GCH1: variants seen among roughly 807,000 people sequenced by gnomAD.
The protein encoded by GCH1 is GTP cyclohydrolase 1, also known as GTP cyclohydrolase I.
GCH1 carries 5 observed loss-of-function variants against 25.9 expected under a neutral mutation model. The observed-to-expected ratio is 0.19, with a 90% CI of 0.10 to 0.41. GCH1 has a LOEUF of 0.41. Among genes scored for constraint, GCH1 ranks in the 10% least tolerant of loss-of-function variants. The probability of loss-of-function intolerance (pLI) is 1.00; values close to 1 mark genes in which losing one functional copy is unlikely to be tolerated. For synonymous variants in GCH1, 159 were observed against 129.6 expected (o/e 1.23, Z -1.54); for missense variants, 261 against 336.5 (o/e 0.78, Z 1.75).
chr14:54,865,178 G>A (rs1210605036), intron 2 of GCH1, 149 bp downstream of exon 2: 5 of 566,032 alleles, frequency 8.8e-6, no homozygotes, highest in African/African-American at 3.8e-5. Flanking sequence ...CAAGTTATTA[G>A]TCAGGTTAAT....
chr14:54,851,914 A>G (rs942903285), intron 3 of GCH1, among the ~76,000 whole-genome samples: 3 of 152,248 alleles, frequency 2.0e-5, no homozygotes, highest in African/African-American at 7.2e-5. Flanking sequence ...CTATAAAGAC[A>G]CATGCACACA....
chr14:54,849,801 T>A (rs2039697577), intron 3 of GCH1, among the ~76,000 whole-genome samples: 1 of 152,214 alleles, frequency 6.6e-6, no homozygotes, highest in African/African-American at 2.4e-5. Context: ...TTGCGCTGCA[T>A]TCAGCACAAT....
At position 54,880,479 on chromosome 14, in the gene GCH1, C is replaced by T. The variant is rs761855445; in HGVS notation, c.344-15043G>A. 5.4e-3 allele frequency among the ~76,000 whole-genome samples: 266 copies of T among 49,400 alleles called. 44 individuals carry two copies. The highest frequency in any genetic ancestry group is 0.028 in the African/African-American group (173 of 6,252). 32.4% of individuals were successfully genotyped at this position (49,400 alleles called of 152,430 possible). A position where few individuals can be genotyped will look rare whatever the true frequency, so the allele number is the denominator to read the frequency against. On this transcript the variant is annotated intron_variant, in intron 1 of 5. Coordinates refer to ENST00000491895, the MANE Select transcript of GCH1 (RefSeq NM_000161.3). Reference sequence around the variant, plus strand: ...AATATATACTCCATATATATATATACACTCCATATATATATATACTCCATA... The same window carrying T: ...AATATATACTCCATATATATATATATACTCCATATATATATATACTCCATA...
At chr14:54,844,564 C>A (rs1372155639) in intron 5 of GCH1, among the ~76,000 whole-genome samples, 1 of 152,200 alleles carries the variant, frequency 6.6e-6, no homozygotes, top group African/African-American at 2.4e-5. Context: ...ACTATGCTAG[C>A]CTAGGTGTTC....
intron 1 of GCH1, among the ~76,000 whole-genome samples, chr14:54,866,507 T>C (rs1594990362): frequency 6.6e-6 from 1 of 151,644 alleles, no homozygotes; most frequent in South Asian, 2.1e-4. Flanking sequence ...GCAGACTAGA[T>C]ATAATAAGAC....
rs1212479189 is a variant in GCH1 at position 54,848,692 on chromosome 14, C to A, written c.510-1562G>T. The stretch of plus-strand genomic sequence containing the variant: ...GCCAACAAAGTCAGTAACAGGTCCG[C>A]CACCCCGTTTACCACTCAGCCCAGA... On this transcript the variant is annotated intron_variant, in intron 3 of 5. Transcript: ENST00000491895. 2.0e-5 allele frequency among the ~76,000 whole-genome samples: 3 copies of A among 152,296 alleles called. No individual in the cohort carries two copies. The East Asian group carries it at 5.8e-4, about 29-fold the overall frequency.
At chr14:54,852,990 A>T (rs372277525) in intron 3 of GCH1, among the ~76,000 whole-genome samples, 1 of 152,046 alleles carries the variant, frequency 6.6e-6, no homozygotes. Flanking sequence ...TTTGAGACAG[A>T]GTTTTTGCTC....
chr14:54,892,396 T>C (rs2040434695), intron 1 of GCH1, among the ~76,000 whole-genome samples: 1 of 152,192 alleles, frequency 6.6e-6, no homozygotes, highest in South Asian at 2.1e-4. Context: ...TACAACATTG[T>C]ACAGAATGAA....
At chr14:54,891,241 T>G (rs1345466977) in intron 1 of GCH1, among the ~76,000 whole-genome samples, 3 of 151,976 alleles carry the variant, frequency 2.0e-5, no homozygotes, top group African/African-American at 7.3e-5. Context: ...CAGCTGGGAT[T>G]ACAGGTGTGC....
intron 3 of GCH1, among the ~76,000 whole-genome samples, chr14:54,857,547 T>G (rs970325355): frequency 6.6e-6 from 1 of 151,532 alleles, no homozygotes; most frequent in African/African-American, 2.4e-5. Context: ...TGCTGGAATT[T>G]CTATATGGGC....
rs142677230 is a variant in GCH1, at chr14:54,882,192, T to C, written c.344-16756A>G. The stretch of plus-strand genomic sequence containing the variant: ...ATGTAGAATGGTAAAGTAGAAGGAA[T>C]GAATAAAAGAGTCCAGAGCTCAAGG... On this transcript the variant is annotated intron_variant, in intron 1 of 5. Transcript: ENST00000491895. 4.6e-5 allele frequency among the ~76,000 whole-genome samples: 7 copies of C among 152,326 alleles called. No individual in the cohort carries two copies. In the East Asian group the frequency reaches 1.2e-3, roughly 25 times the overall value.
intron 1 of GCH1, among the ~76,000 whole-genome samples, chr14:54,888,478 T>C (rs1310383027): frequency 2.0e-5 from 3 of 151,880 alleles, no homozygotes; most frequent in Admixed American, 2.0e-4. Context: ...CTAGCTGTTC[T>C]TCCCATTACA....
intron 1 of GCH1, among the ~76,000 whole-genome samples, chr14:54,873,203 C>A (rs920995595): frequency 4.6e-5 from 7 of 152,140 alleles, no homozygotes; most frequent in African/African-American, 1.7e-4. Context: ...CTCAAAACTG[C>A]TCAACTACAT....
intron 2 of GCH1, among the ~76,000 whole-genome samples, chr14:54,863,129 A>C (rs1004802350): frequency 1.3e-5 from 2 of 152,084 alleles, no homozygotes; most frequent in Non-Finnish European, 2.9e-5. Context: ...AAGTAAGAAA[A>C]TATTTTAGGG....
chr14:54,866,900 C>T (rs1470884612), intron 1 of GCH1, among the ~76,000 whole-genome samples: 1 of 152,156 alleles, frequency 6.6e-6, no homozygotes, highest in Non-Finnish European at 1.5e-5. Flanking sequence ...CTGATAACAT[C>T]CCAGGAGAAA....
At chr14:54,850,636 T>C (rs549949513) in intron 3 of GCH1, among the ~76,000 whole-genome samples, 1 of 152,216 alleles carries the variant, frequency 6.6e-6, no homozygotes, top group African/African-American at 2.4e-5. Context: ...TATCCCTCCC[T>C]GCTCCCCACG....
At chr14:54,849,647 T>C (rs1271197329) in intron 3 of GCH1, among the ~76,000 whole-genome samples, 2 of 152,244 alleles carry the variant, frequency 1.3e-5, no homozygotes, top group Non-Finnish European at 2.9e-5. Context: ...GCATGTGTTC[T>C]AGAAACTTTT....
intron 1 of GCH1, among the ~76,000 whole-genome samples, chr14:54,872,509 A>C (rs1343700341): frequency 6.6e-6 from 1 of 152,196 alleles, no homozygotes; most frequent in Non-Finnish European, 1.5e-5. Context: ...ATTAACCTTA[A>C]ATGTAAATGG....
chr14:54,874,637 C>A (rs572399496), intron 1 of GCH1, among the ~76,000 whole-genome samples: 1 of 152,340 alleles, frequency 6.6e-6, no homozygotes, highest in South Asian at 2.1e-4. Flanking sequence ...TAAGCAACTT[C>A]AGCAAAGTCT....
Sources: gnomAD v4.1 joint callset for allele counts (sites outside exome capture counted in the v4.1 genomes callset) on GRCh38, gnomAD v4.1.1 for gene constraint, MANE v1.5 for transcripts, NCBI Gene and HGNC (gene_info 2026-07-23, HGNC 2026-07-21) for gene names.